Variants in GRIN2B observed in about 807,000 individuals in gnomAD.
The protein encoded by GRIN2B is glutamate ionotropic receptor NMDA type subunit 2B, also known as glutamate receptor ionotropic, NMDA 2B.
Under a neutral mutation model 114.5 loss-of-function variants are expected in GRIN2B, and 5 were observed. The ratio of observed to expected loss-of-function variants is 0.04; its 90% confidence interval spans 0.02 to 0.09. GRIN2B has a LOEUF of 0.09. GRIN2B is among the 10% of genes least tolerant of loss of function. The pLI, the probability that GRIN2B is intolerant of heterozygous loss-of-function variation, is 1.00. For missense variants in GRIN2B, 1,108 were observed against 1,943.5 expected (o/e 0.57, Z 8.08); for synonymous variants, 787 against 745.1 (o/e 1.06, Z -0.92).
At chr12:13,632,496 C>T (rs1949624482) in intron 5 of GRIN2B, among the ~76,000 whole-genome samples, 1 of 152,222 alleles carries the variant, frequency 6.6e-6, no homozygotes, top group Admixed American at 6.5e-5. Flanking sequence ...CCCACTGCTT[C>T]CACAGTTAAC....
At chr12:13,688,886 C>G (rs978159313) in intron 4 of GRIN2B, among the ~76,000 whole-genome samples, 3 of 152,158 alleles carry the variant, frequency 2.0e-5, no homozygotes, top group African/African-American at 7.2e-5. Context: ...ATAAATTAGT[C>G]TCAGTACTTA....
intron 2 of GRIN2B, among the ~76,000 whole-genome samples, chr12:13,939,640 T>C (rs545133936): frequency 6.9e-6 from 1 of 145,350 alleles, no homozygotes; most frequent in Non-Finnish European, 1.5e-5. Flanking sequence ...CTGCAACCTC[T>C]TCCTCCTAGG....
chr12:13,791,536 C>CT (rs2136665275), intron 3 of GRIN2B, among the ~76,000 whole-genome samples: 1 of 151,994 alleles, frequency 6.6e-6, no homozygotes, highest in South Asian at 2.1e-4. Context: ...CAGAATGCAC[C>CT]ATGGACAGTA....
intron 3 of GRIN2B, among the ~76,000 whole-genome samples, chr12:13,759,824 A>T (rs1330755678): frequency 6.6e-6 from 1 of 152,214 alleles, no homozygotes; most frequent in East Asian, 1.9e-4. Context: ...ACAAAGAAAC[A>T]GCCAGCACCC....
Position 13,563,585 on chromosome 12 carries a change from C to T in GRIN2B, c.3653G>A (p.Cys1218Tyr). 2 of 1,614,118 alleles carry T rather than the reference C, an allele frequency of 1.2e-6. No homozygotes were observed. Among genetic ancestry groups the T allele is most frequent in the Non-Finnish European group, 1.7e-6 (2 of 1,180,024 alleles). ...GGAGTAGTTGTGCAGCTTGGAGGGACAGCTGCGGCAGAAGTTGCCCCCGGA... is the reference window on the plus strand; with the variant it reads ...GGAGTAGTTGTGCAGCTTGGAGGGATAGCTGCGGCAGAAGTTGCCCCCGGA... ...DRSGGNFCRS[C>Y]PSKLHNYSTT... Residue 1218 changes from cysteine (C) to tyrosine (Y), a missense_variant, in exon 14 of 14, where the codon TGT becomes TAT. Transcript: ENST00000609686.
chr12:13,648,745 G>C (rs1456983852), intron 5 of GRIN2B, among the ~76,000 whole-genome samples: 2 of 151,868 alleles, frequency 1.3e-5, no homozygotes, highest in African/African-American at 4.8e-5. Context: ...TTTAGAATAA[G>C]TATAACAAAT....
intron 5 of GRIN2B, among the ~76,000 whole-genome samples, chr12:13,647,467 TTGTTGAC>T (rs1949771466): frequency 6.6e-6 from 1 of 152,116 alleles, no homozygotes; most frequent in Non-Finnish European, 1.5e-5. Context: ...TTAACTTTCA[TTGTTGAC>T]TGAATATAAC....
chr12:13,909,775 G>T (rs886537785), intron 2 of GRIN2B, among the ~76,000 whole-genome samples: 1 of 152,160 alleles, frequency 6.6e-6, no homozygotes, highest in African/African-American at 2.4e-5. Flanking sequence ...GAGAGAAAAG[G>T]GTGCTGTAAA....
intron 3 of GRIN2B, among the ~76,000 whole-genome samples, chr12:13,781,216 T>C (rs1160506572): frequency 6.6e-6 from 1 of 152,196 alleles, no homozygotes; most frequent in Non-Finnish European, 1.5e-5. Context: ...AAGGTGTCAG[T>C]TGGCAAGAAT....
At chr12:13,831,709 G>T (rs747797315) in intron 3 of GRIN2B, among the ~76,000 whole-genome samples, 8 of 152,200 alleles carry the variant, frequency 5.3e-5, no homozygotes, top group Non-Finnish European at 1.0e-4. Context: ...TAGGCCCCTT[G>T]TCTGCACCAG....
intron 5 of GRIN2B, among the ~76,000 whole-genome samples, chr12:13,645,543 T>G (rs1949753392): frequency 6.6e-6 from 1 of 152,128 alleles, no homozygotes; most frequent in South Asian, 2.1e-4. Flanking sequence ...TACCCAGGAC[T>G]GCCACAAATG....
rs200812783 is a variant in GRIN2B at position 13,562,548 on chromosome 12, A to T, written c.*235T>A. On this transcript the variant is annotated 3_prime_UTR_variant, in exon 14 of 14. Transcript: ENST00000609686. ...GCCCATGGCATCATCTCATGGGAAC[A>T]GGAATGGCTGACAGCGGGGGGAAGA... The T allele has an allele frequency of 1.1e-5, 6 of 555,470 alleles. No homozygotes were observed. Among genetic ancestry groups the T allele is most frequent in the Non-Finnish European group, 1.9e-5 (6 of 309,748 alleles). 34.4% of individuals were successfully genotyped at this position (555,470 alleles called of 1,614,324 possible). A position where few individuals can be genotyped will look rare whatever the true frequency, so the allele number is the denominator to read the frequency against.
At chr12:13,809,256 C>A (rs187104246) in intron 3 of GRIN2B, among the ~76,000 whole-genome samples, 5 of 152,270 alleles carry the variant, frequency 3.3e-5, no homozygotes, top group African/African-American at 7.2e-5. Context: ...AGTAAGCTCA[C>A]TATACACTTC....
Position 13,563,763 on chromosome 12 carries a change from T to C in GRIN2B, c.3475A>G (p.Ser1159Gly), listed in dbSNP as rs762050994. Reference protein sequence around the residue: ...VDLTDIYKERSDDFKRDSVSG... With the variant: ...VDLTDIYKERGDDFKRDSVSG... ...ACGGAGTCGCGCTTAAAGTCATCAC[T>C]CCGCTCCTTGTAGATGTCGGTCAGG... Residue 1159 changes from serine (S) to glycine (G), a missense_variant, in exon 14 of 14, where the codon AGT becomes GGT. This residue lies in a region of GRIN2B where 478 missense variants were observed against 506.0 expected (regional missense o/e 0.94). Coordinates refer to ENST00000609686, the MANE Select transcript of GRIN2B (RefSeq NM_000834.5). 6 of 1,613,928 alleles carry C rather than the reference T, an allele frequency of 3.7e-6. No homozygotes were observed. The Admixed American group carries it at 6.7e-5, about 18-fold the overall frequency.
chr12:13,698,139 G>A (rs1490032154), intron 4 of GRIN2B, among the ~76,000 whole-genome samples: 1 of 152,230 alleles, frequency 6.6e-6, no homozygotes, highest in Admixed American at 6.5e-5. Context: ...GGTTGATGAG[G>A]CAATGAGTGG....
At chr12:13,835,515 A>G (rs990361968) in intron 3 of GRIN2B, among the ~76,000 whole-genome samples, 2 of 151,762 alleles carry the variant, frequency 1.3e-5, no homozygotes, top group African/African-American at 4.8e-5. Flanking sequence ...CCCAGCCCAG[A>G]AAAAAAACAG....
intron 3 of GRIN2B, among the ~76,000 whole-genome samples, chr12:13,791,561 T>C (rs7314092): frequency 0.14 from 21,177 of 152,132 alleles, 1,758 homozygotes; most frequent in Non-Finnish European, 0.19. Flanking sequence ...GCACTCTGTT[T>C]CTTATTGGGG....
chr12:13,570,374 G>T (rs1230793255), intron 11 of GRIN2B, among the ~76,000 whole-genome samples: 1 of 152,186 alleles, frequency 6.6e-6, no homozygotes, highest in East Asian at 1.9e-4. Flanking sequence ...AATAGCATGG[G>T]GTTAGATTTA....
intron 2 of GRIN2B, among the ~76,000 whole-genome samples, chr12:13,958,658 T>G (rs756138944): frequency 6.6e-6 from 1 of 152,146 alleles, no homozygotes; most frequent in Non-Finnish European, 1.5e-5. Flanking sequence ...CGGAGGCATT[T>G]TGTTGCCTGT....
Sources: gnomAD v4.1 joint callset for allele counts (sites outside exome capture counted in the v4.1 genomes callset) on GRCh38, gnomAD v4.1.1 for gene constraint, gnomAD v4.1.1 regional missense constraint, MANE v1.5 for transcripts, NCBI Gene and HGNC (gene_info 2026-07-23, HGNC 2026-07-21) for gene names.